EYA1: variants seen among roughly 807,000 people sequenced by gnomAD.
EYA1 encodes EYA transcriptional coactivator and phosphatase 1, also known as protein phosphatase EYA1.
A neutral mutation model predicts 82.0 loss-of-function variants in EYA1; 16 were observed. That is an observed-to-expected ratio of 0.20 (90% confidence interval 0.13 to 0.30). EYA1 has a LOEUF of 0.30. Among genes scored for constraint, EYA1 ranks in the 10% least tolerant of loss-of-function variants. The probability of loss-of-function intolerance (pLI) is 1.00; values close to 1 mark genes in which losing one functional copy is unlikely to be tolerated. For synonymous variants in EYA1, 261 were observed against 264.4 expected (o/e 0.99, Z 0.12); for missense variants, 633 against 730.7 (o/e 0.87, Z 1.54).
At chr8:71,279,582 G>C (rs919135011) in intron 9 of EYA1, among the ~76,000 whole-genome samples, 1 of 152,182 alleles carries the variant, frequency 6.6e-6, no homozygotes, top group Non-Finnish European at 1.5e-5. Context: ...TTTGAAATTA[G>C]TTTTCCTATG....
intron 2 of EYA1, among the ~76,000 whole-genome samples, chr8:71,470,495 C>T (rs1009138021): frequency 3.3e-5 from 5 of 151,964 alleles, no homozygotes; most frequent in African/African-American, 9.7e-5. Flanking sequence ...CAAAAGTAGT[C>T]GAGCTTTTTG....
chr8:71,386,437 A>G (rs1239210132), intron 2 of EYA1, among the ~76,000 whole-genome samples: 1 of 152,236 alleles, frequency 6.6e-6, no homozygotes, highest in Non-Finnish European at 1.5e-5. Context: ...AAAGCCAGAA[A>G]TTTATAGTTT....
intron 2 of EYA1, among the ~76,000 whole-genome samples, chr8:71,456,929 G>A (rs890710599): frequency 1.3e-5 from 2 of 152,130 alleles, no homozygotes; most frequent in African/African-American, 4.8e-5. Context: ...TTAAACTAAA[G>A]AGCTTCTGCA....
At chr8:71,516,037 A>G (rs931394537) in intron 2 of EYA1, among the ~76,000 whole-genome samples, 1 of 152,184 alleles carries the variant, frequency 6.6e-6, no homozygotes, top group Non-Finnish European at 1.5e-5. Flanking sequence ...TGCCATAATA[A>G]TTACCCTCTC....
intron 9 of EYA1, among the ~76,000 whole-genome samples, chr8:71,273,537 T>C (rs1816789647): frequency 6.6e-6 from 1 of 152,164 alleles, no homozygotes; most frequent in Non-Finnish European, 1.5e-5. Flanking sequence ...TCCAAATGAG[T>C]AGAATTTTAA....
intron 1 of EYA1, 135 bp from the exon 2 acceptor site, chr8:71,356,646 G>A: frequency 7.2e-7 from 1 of 1,384,464 alleles, no homozygotes; most frequent in Non-Finnish European, 9.3e-7. Context: ...TACTGCAGCA[G>A]TGAAAGGCAT....
chr8:71,349,639 A>G lies in EYA1; in HGVS notation c.124+5143T>C, dbSNP rs914587821. On this transcript the variant is annotated intron_variant, in intron 3 of 17. Transcript: ENST00000340726. ...TTAATACTGAGCACTTATAAGTTCC[A>G]ATTATGCTGCAAATTCTATGTTACG... Among the ~76,000 whole-genome samples the G allele has an allele frequency of 3.9e-5, 6 of 152,290 alleles. No individual in the cohort carries two copies. In the South Asian group the frequency reaches 8.3e-4, roughly 21 times the overall value.
chr8:71,525,970 A>T (rs749149983), intron 2 of EYA1, among the ~76,000 whole-genome samples: 3 of 152,238 alleles, frequency 2.0e-5, no homozygotes, highest in African/African-American at 7.2e-5. Context: ...TTTCTTTTGC[A>T]TATTCTCTAC....
At chr8:71,438,150 T>G (rs1157521231) in intron 2 of EYA1, among the ~76,000 whole-genome samples, 1 of 152,132 alleles carries the variant, frequency 6.6e-6, no homozygotes, top group Non-Finnish European at 1.5e-5. Flanking sequence ...ATCTTGTTAA[T>G]TCTCACCCAA....
intron 4 of EYA1, chr8:71,322,506 C>G (rs1265097277): frequency 5.7e-6 from 3 of 521,886 alleles, no homozygotes; most frequent in Non-Finnish European, 1.0e-5. Flanking sequence ...TCTTAGAAAA[C>G]GTCATCACAA....
At chr8:71,368,915 G>A (rs763403273) in intron 2 of EYA1, among the ~76,000 whole-genome samples, 4 of 151,796 alleles carry the variant, frequency 2.6e-5, no homozygotes, top group Admixed American at 2.0e-4. Context: ...AAGGCCGGGC[G>A]CGGTGGCTCA....
At chr8:71,256,786 G>A (rs973013779) in intron 11 of EYA1, among the ~76,000 whole-genome samples, 1 of 152,106 alleles carries the variant, frequency 6.6e-6, no homozygotes, top group African/African-American at 2.4e-5. Context: ...GATCACCTGA[G>A]GTCAGGAGTT....
chr8:71,457,450 A>T (rs1056585554), intron 2 of EYA1, among the ~76,000 whole-genome samples: 25 of 152,216 alleles, frequency 1.6e-4, no homozygotes, highest in Non-Finnish European at 1.9e-4. Context: ...TGCTATAAAG[A>T]CACGTGCGCA....
chr8:71,446,590 T>G (rs1412854081), intron 2 of EYA1, among the ~76,000 whole-genome samples: 1 of 152,184 alleles, frequency 6.6e-6, no homozygotes, highest in Admixed American at 6.5e-5. Flanking sequence ...ATGATAAAAA[T>G]TTTGCTTTGT....
At chr8:71,459,164 G>T (rs1028838499) in intron 2 of EYA1, among the ~76,000 whole-genome samples, 5 of 152,196 alleles carry the variant, frequency 3.3e-5, no homozygotes, top group Admixed American at 6.5e-5. Flanking sequence ...CCCACATTCT[G>T]CTGTGCTCAT....
chr8:71,501,158 C>A (rs533213586), intron 2 of EYA1, among the ~76,000 whole-genome samples: 1 of 152,262 alleles, frequency 6.6e-6, no homozygotes, highest in Non-Finnish European at 1.5e-5. Context: ...GACTTTAAGA[C>A]AATAGCATGG....
At chr8:71,461,900 C>T (rs1238650085) in intron 2 of EYA1, among the ~76,000 whole-genome samples, 1 of 152,132 alleles carries the variant, frequency 6.6e-6, no homozygotes, top group African/African-American at 2.4e-5. Flanking sequence ...AACAAGTGTT[C>T]AGGTCGCAGC....
At chr8:71,476,342 C>A (rs759658456) in intron 2 of EYA1, among the ~76,000 whole-genome samples, 1 of 152,116 alleles carries the variant, frequency 6.6e-6, no homozygotes, top group Non-Finnish European at 1.5e-5. Flanking sequence ...ATATTCAAAT[C>A]TCTAGCTACA....
At chr8:71,489,383 T>C (rs1329110439) in intron 2 of EYA1, among the ~76,000 whole-genome samples, 1 of 152,218 alleles carries the variant, frequency 6.6e-6, no homozygotes, top group African/African-American at 2.4e-5. Context: ...CATTGTACTA[T>C]ATGGCAATTC....
Sources: gnomAD v4.1 joint callset for allele counts (sites outside exome capture counted in the v4.1 genomes callset) on GRCh38, gnomAD v4.1.1 for gene constraint, MANE v1.5 for transcripts, NCBI Gene and HGNC (gene_info 2026-07-23, HGNC 2026-07-21) for gene names.